Variants in PRKAG2 observed in about 807,000 individuals in gnomAD.
PRKAG2 encodes the protein protein kinase AMP-activated non-catalytic subunit gamma 2, also known as 5'-AMP-activated protein kinase subunit gamma-2.
PRKAG2 carries 26 observed loss-of-function variants against 69.6 expected under a neutral mutation model. The observed-to-expected ratio is 0.37, with a 90% CI of 0.27 to 0.52. The LOEUF is 0.52. PRKAG2 is among the 20% of genes least tolerant of loss of function. PRKAG2 has a pLI of 0.90. For missense variants in PRKAG2, 557 were observed against 740.0 expected, an observed-to-expected ratio of 0.75 and a Z score of 2.87; for synonymous variants, 293 against 285.0, an observed-to-expected ratio of 1.03 and a Z score of -0.28.
At chr7:151,812,935 GA>G (rs34158604) in intron 1 of PRKAG2, among the ~76,000 whole-genome samples, 92,073 of 149,066 alleles carry the variant, frequency 0.62, 28,618 homozygotes, top group East Asian at 0.76. Flanking sequence ...CTGCTGGGCT[GA>G]AAAAAAAAAA....
intron 5 of PRKAG2, among the ~76,000 whole-genome samples, chr7:151,613,805 ATTTT>A (rs372668253): frequency 1.7e-5 from 2 of 114,706 alleles, no homozygotes; most frequent in African/African-American, 6.5e-5. Flanking sequence ...AGTCCCAAGC[ATTTT>A]TTTTTTTTTT....
chr7:151,733,150 G>A (rs892125285), intron 3 of PRKAG2, among the ~76,000 whole-genome samples: 4 of 152,226 alleles, frequency 2.6e-5, no homozygotes, highest in Admixed American at 2.0e-4. Flanking sequence ...GTGGGGCACA[G>A]GGCTCCCGCC....
At chr7:151,736,148 C>A in intron 3 of PRKAG2, 1 of 1,455,546 alleles carries the variant, frequency 6.9e-7, no homozygotes, top group Non-Finnish European at 9.0e-7. Context: ...CAGGTGACAG[C>A]CCGGGTTCAA....
At chr7:151,800,250 C>G (rs890246305) in intron 1 of PRKAG2, among the ~76,000 whole-genome samples, 20 of 150,610 alleles carry the variant, frequency 1.3e-4, no homozygotes, top group South Asian at 1.3e-3. Context: ...CCAAGCTACT[C>G]GGGAGGCTGA....
At chr7:151,839,102 T>C (rs1205994493) in intron 1 of PRKAG2, among the ~76,000 whole-genome samples, 2 of 151,836 alleles carry the variant, frequency 1.3e-5, no homozygotes, top group Non-Finnish European at 2.9e-5. Context: ...AGCCGGGCCA[T>C]TTCCTGAACG....
chr7:151,569,579 T>C (rs1807076387), intron 10 of PRKAG2, among the ~76,000 whole-genome samples: 1 of 152,256 alleles, frequency 6.6e-6, no homozygotes. Flanking sequence ...GTAAGAAGGT[T>C]GTTATACCTT....
intron 4 of PRKAG2, among the ~76,000 whole-genome samples, chr7:151,657,634 C>T (rs1344421038): frequency 6.6e-6 from 1 of 152,174 alleles, no homozygotes; most frequent in Admixed American, 6.5e-5. Flanking sequence ...CTTTGCAGGA[C>T]TGTTGTGAGA....
chr7:151,778,277 G>A (rs1016351133), intron 3 of PRKAG2, among the ~76,000 whole-genome samples: 1 of 152,076 alleles, frequency 6.6e-6, no homozygotes, highest in Non-Finnish European at 1.5e-5. Context: ...CCATGTGGCT[G>A]GCCTCACATT....
At chr7:151,570,273 T>C (rs758147203) in intron 9 of PRKAG2, 48 bp from the exon 10 acceptor site, 2 of 1,571,878 alleles carry the variant, frequency 1.3e-6, no homozygotes, top group African/African-American at 2.7e-5. Flanking sequence ...ATTTGCTGTT[T>C]GCAGTTATAA....
chr7:151,791,214 A>G (rs899322772), intron 1 of PRKAG2, among the ~76,000 whole-genome samples: 2 of 152,314 alleles, frequency 1.3e-5, no homozygotes, highest in African/African-American at 4.8e-5. Context: ...AGAGCTCACC[A>G]GGAAACATCA....
chr7:151,661,675 C>T (rs949263857), intron 4 of PRKAG2, among the ~76,000 whole-genome samples: 6 of 152,180 alleles, frequency 3.9e-5, no homozygotes, highest in Non-Finnish European at 7.3e-5. Context: ...ACGAAGCCTC[C>T]AAAAGAGTGG....
intron 3 of PRKAG2, among the ~76,000 whole-genome samples, chr7:151,776,489 C>T (rs1487020316): frequency 6.6e-6 from 1 of 152,202 alleles, no homozygotes; most frequent in East Asian, 1.9e-4. Context: ...TCAGGCCTGT[C>T]TTCAGTGGCC....
rs1410970492 is a variant in PRKAG2 at position 151,567,240 on chromosome 7, T to C, written c.1234-1355A>G. Among the ~76,000 whole-genome samples the C allele has an allele frequency of 6.6e-6, 1 of 152,120 alleles. No individual in the cohort carries two copies. Among genetic ancestry groups the C allele is most frequent in the Non-Finnish European group, 1.5e-5 (1 of 68,006 alleles). On this transcript the variant is annotated intron_variant, in intron 11 of 15. Transcript: ENST00000287878. The surrounding 1 kb of genome is among the most constrained non-coding windows in gnomAD (Gnocchi z 4.2). ...CAAGGCCCCTGCGTGGAGAAAAGCA[T>C]GGGGAGTGAGGAACGCTTGAAAGGG...
intron 1 of PRKAG2, among the ~76,000 whole-genome samples, chr7:151,862,494 C>A (rs1228151595): frequency 6.6e-6 from 1 of 152,160 alleles, no homozygotes; most frequent in Admixed American, 6.5e-5. Flanking sequence ...CCCCCATTTT[C>A]TTTCTTTCCC....
At chr7:151,727,787 C>T (rs1371145460) in intron 3 of PRKAG2, among the ~76,000 whole-genome samples, 1 of 152,180 alleles carries the variant, frequency 6.6e-6, no homozygotes, top group Non-Finnish European at 1.5e-5. Context: ...GCAGCCGGGT[C>T]AGCGTTCAGG....
intron 1 of PRKAG2, among the ~76,000 whole-genome samples, chr7:151,841,051 C>T (rs192306380): frequency 7.6e-4 from 115 of 152,288 alleles, no homozygotes; most frequent in African/African-American, 2.7e-3. Flanking sequence ...TGCAGTGGTG[C>T]GATCTCAGCT....
intron 3 of PRKAG2, among the ~76,000 whole-genome samples, chr7:151,776,248 C>T (rs542422698): frequency 6.6e-6 from 1 of 152,218 alleles, no homozygotes; most frequent in African/African-American, 2.4e-5. Context: ...GCCATGCCCC[C>T]ACCCCAACCT....
rs911492826 is a variant in PRKAG2 at position 151,632,442 on chromosome 7, G to C, written c.685-304C>G. Reference sequence around the variant, plus strand: ...CGGGAGGAAGCGTGGGAAGGGACCCGGGAGCTCGAGGGCGGCAGCGCCTGG... The same window carrying C: ...CGGGAGGAAGCGTGGGAAGGGACCCCGGAGCTCGAGGGCGGCAGCGCCTGG... On this transcript the variant is annotated intron_variant, in intron 4 of 15. Coordinates refer to ENST00000287878, the MANE Select transcript of PRKAG2 (RefSeq NM_016203.4). The surrounding 1 kb of genome is among the most constrained non-coding windows in gnomAD (Gnocchi z 4.2). The C allele has an allele frequency of 7.2e-5, 42 of 579,930 alleles. No homozygotes were observed. Among genetic ancestry groups the C allele is most frequent in the Non-Finnish European group, 8.5e-5 (39 of 460,658 alleles). 35.9% of individuals were successfully genotyped at this position (579,930 alleles called of 1,614,324 possible).
intron 3 of PRKAG2, among the ~76,000 whole-genome samples, chr7:151,747,879 G>C (rs1432762384): frequency 1.3e-5 from 2 of 151,740 alleles, no homozygotes; most frequent in Non-Finnish European, 2.9e-5. Context: ...TGGGGCTAAG[G>C]GGGTGAAAAT....
Sources: allele counts gnomAD v4.1 joint callset (sites outside exome capture counted in the v4.1 genomes callset), GRCh38; gene constraint gnomAD v4.1.1; non-coding constraint Gnocchi (gnomAD v3.1); transcripts MANE v1.5; gene names NCBI Gene and HGNC (gene_info 2026-07-23, HGNC 2026-07-21).